The following SAMMSON variants were observed in gnomAD, a reference collection of about 807,000 sequenced individuals.
SAMMSON encodes the protein survival associated mitochondrial melanoma specific oncogenic non-coding RNA.
At chr3:70,305,998 C>G (rs912552103) in intron 7 of SAMMSON, among the ~76,000 whole-genome samples, 1 of 152,070 alleles carries the variant, frequency 6.6e-6, no homozygotes, top group Admixed American at 6.6e-5. Flanking sequence ...ACCATGATAA[C>G]CAGTGTATTC....
chr3:70,173,428 T>C (rs1442865859), intron 4 of SAMMSON, among the ~76,000 whole-genome samples: 1 of 151,968 alleles, frequency 6.6e-6, no homozygotes, highest in Non-Finnish European at 1.5e-5. Context: ...ATATAAAATT[T>C]GTTCAAAATT....
At chr3:70,045,185 A>C (rs908697862) in intron 3 of SAMMSON, among the ~76,000 whole-genome samples, 1 of 137,728 alleles carries the variant, frequency 7.3e-6, no homozygotes, top group East Asian at 2.0e-4. Context: ...ATATATCGTT[A>C]ATTATAATAT....
chr3:70,202,254 A>G lies in SAMMSON; in HGVS notation n.508-46853A>G, dbSNP rs114446591. 8.2e-3 allele frequency among the ~76,000 whole-genome samples: 1,250 copies of G among 152,176 alleles called. 15 individuals carry two copies. The highest frequency in any genetic ancestry group is 0.029 in the African/African-American group (1,187 of 41,526). On this transcript the variant is annotated intron_variant and non_coding_transcript_variant, in intron 4 of 9. Coordinates refer to ENST00000642114, the Ensembl canonical transcript of SAMMSON. ...TGGTTAGTGACTAATGGCCTATTTGATAGTGGTCAGTGACTAGTGGTCTTT... is the reference window on the plus strand; with the variant it reads ...TGGTTAGTGACTAATGGCCTATTTGGTAGTGGTCAGTGACTAGTGGTCTTT...
At chr3:70,347,397 G>C (rs150049228) in intron 7 of SAMMSON, among the ~76,000 whole-genome samples, 27 of 152,286 alleles carry the variant, frequency 1.8e-4, no homozygotes, top group African/African-American at 6.5e-4. Flanking sequence ...AAATGTATTA[G>C]AGTCTTCGTT....
chr3:70,402,953 A>G (rs1432715584), intron 2 of SAMMSON, among the ~76,000 whole-genome samples: 2 of 151,962 alleles, frequency 1.3e-5, no homozygotes, highest in Middle Eastern at 3.2e-3. Flanking sequence ...TATATATATC[A>G]TGTGTATGAT....
At chr3:70,325,040 G>A (rs1326126018) in intron 7 of SAMMSON, among the ~76,000 whole-genome samples, 6 of 152,028 alleles carry the variant, frequency 3.9e-5, no homozygotes, top group Non-Finnish European at 8.8e-5. Context: ...TCTTAACTCC[G>A]GTGTTTACAT....
At chr3:70,357,824 T>A (rs805493) in intron 8 of SAMMSON, among the ~76,000 whole-genome samples, 68,314 of 152,026 alleles carry the variant, frequency 0.45, 15,784 homozygotes, top group East Asian at 0.68. Context: ...ATGTGTCAAA[T>A]TTATATCCCT....
intron 2 of SAMMSON, among the ~76,000 whole-genome samples, chr3:70,413,665 T>A (rs958222324): frequency 6.6e-6 from 1 of 152,124 alleles, no homozygotes; most frequent in Non-Finnish European, 1.5e-5. Flanking sequence ...ACAAAACATT[T>A]TGTGGAGATT....
intron 3 of SAMMSON, among the ~76,000 whole-genome samples, chr3:70,023,141 G>T (rs886315829): frequency 6.6e-6 from 1 of 152,010 alleles, no homozygotes; most frequent in African/African-American, 2.4e-5. Flanking sequence ...ATAATTTCCA[G>T]TCTCAAAGAC....
chr3:70,104,993 A>T (rs1428175166), intron 4 of SAMMSON, among the ~76,000 whole-genome samples: 1 of 152,184 alleles, frequency 6.6e-6, no homozygotes, highest in African/African-American at 2.4e-5. Flanking sequence ...AGCAGTAAAA[A>T]AAATCAACAT....
chr3:70,295,351 A>T (rs996603631), intron 7 of SAMMSON, among the ~76,000 whole-genome samples: 9 of 152,190 alleles, frequency 5.9e-5, no homozygotes, highest in Admixed American at 6.5e-5. Context: ...TTTCAAATAT[A>T]GGTATGTGTG....
rs114334690 is a variant in SAMMSON at position 70,236,070 on chromosome 3, C to T, written n.508-13037C>T. 6.5e-3 allele frequency among the ~76,000 whole-genome samples: 990 copies of T among 152,246 alleles called. 6 individuals are homozygous for T. Among genetic ancestry groups the T allele is most frequent in the African/African-American group, 0.023 (942 of 41,554 alleles). ...TTCTCTTAATGAATAATCTTTCCCA[C>T]GACCTTGGCTTTAGCTCTCTTCACT... On this transcript the variant is annotated intron_variant and non_coding_transcript_variant, in intron 4 of 9. Coordinates refer to ENST00000642114, the Ensembl canonical transcript of SAMMSON.
chr3:70,082,284 A>T (rs1434498704), intron 4 of SAMMSON, among the ~76,000 whole-genome samples: 1 of 152,218 alleles, frequency 6.6e-6, no homozygotes, highest in East Asian at 1.9e-4. Flanking sequence ...CAAATAATCC[A>T]TATAACAAAT....
chr3:70,033,045 G>A (rs1024077769), intron 3 of SAMMSON, among the ~76,000 whole-genome samples: 1 of 152,054 alleles, frequency 6.6e-6, no homozygotes, highest in Non-Finnish European at 1.5e-5. Context: ...ATCAAGATCT[G>A]GAAGTATAAA....
chr3:70,297,940 GTCTCTTAC>G (rs1427915413), intron 7 of SAMMSON, among the ~76,000 whole-genome samples: 1 of 152,030 alleles, frequency 6.6e-6, no homozygotes, highest in Non-Finnish European at 1.5e-5. Flanking sequence ...TTAGAGAGTG[GTCTCTTAC>G]TCTTTGCTAA....
intron 9 of SAMMSON, among the ~76,000 whole-genome samples, chr3:70,371,756 A>G (rs1490632915): frequency 3.3e-5 from 5 of 152,040 alleles, no homozygotes; most frequent in Non-Finnish European, 7.4e-5. Flanking sequence ...GTTTTTCTAC[A>G]TATAAGTTCA....
chr3:70,123,722 G>A (rs1389759372), intron 4 of SAMMSON, among the ~76,000 whole-genome samples: 2 of 152,262 alleles, frequency 1.3e-5, no homozygotes, highest in Non-Finnish European at 2.9e-5. Flanking sequence ...CTGAGCCAGG[G>A]AGTAGAAAGC....
At chr3:70,273,826 A>G (rs1701997005) in intron 6 of SAMMSON, among the ~76,000 whole-genome samples, 1 of 152,142 alleles carries the variant, frequency 6.6e-6, no homozygotes, top group Non-Finnish European at 1.5e-5. Flanking sequence ...TTTCCAAGGC[A>G]GAGTCTCACT....
chr3:70,353,575 A>G (rs777480209), intron 7 of SAMMSON, among the ~76,000 whole-genome samples: 28 of 152,156 alleles, frequency 1.8e-4, no homozygotes, highest in Non-Finnish European at 3.4e-4. Context: ...TGACAACACT[A>G]AATGCTGTAG....
Sources: allele counts gnomAD v4.1 joint callset (sites outside exome capture counted in the v4.1 genomes callset), GRCh38; gene constraint gnomAD v4.1.1; transcripts MANE v1.5; gene names NCBI Gene and HGNC (gene_info 2026-07-23, HGNC 2026-07-21).